CACNA2D1: variants seen among roughly 807,000 people sequenced by gnomAD.
CACNA2D1 encodes the protein voltage-dependent calcium channel subunit alpha-2/delta-1.
A neutral mutation model predicts 171.5 loss-of-function variants in CACNA2D1; 53 were observed. The observed-to-expected ratio is 0.31, with a 90% confidence interval of 0.25 to 0.39. CACNA2D1 has a LOEUF of 0.39. CACNA2D1 is among the 10% of genes least tolerant of loss of function. The pLI, the probability that CACNA2D1 is intolerant of heterozygous loss-of-function variation, is 1.00. For synonymous variants in CACNA2D1, 442 were observed against 443.1 expected (o/e 1.00, Z 0.03); for missense variants, 903 against 1,299.8 (o/e 0.69, Z 4.69).
At chr7:82,299,125 T>C (rs557668004) in intron 3 of CACNA2D1, among the ~76,000 whole-genome samples, 21 of 151,444 alleles carry the variant, frequency 1.4e-4, no homozygotes, top group East Asian at 5.9e-4. Flanking sequence ...ACCTGGTTAA[T>C]TGGGAAAAAA....
chr7:82,323,878 T>C (rs1343278454), intron 3 of CACNA2D1, among the ~76,000 whole-genome samples: 1 of 152,222 alleles, frequency 6.6e-6, no homozygotes, highest in African/African-American at 2.4e-5. Flanking sequence ...ACCCTTTCCT[T>C]GTCTGAACCT....
chr7:82,312,683 AT>A (rs60040027), intron 3 of CACNA2D1, among the ~76,000 whole-genome samples: 281 of 144,554 alleles, frequency 1.9e-3, no homozygotes, highest in East Asian at 5.7e-3. Context: ...TGCCCAGCTA[AT>A]TTTTTTTTTT....
intron 18 of CACNA2D1, chr7:82,001,699 AT>A: frequency 8.0e-7 from 1 of 1,255,132 alleles, no homozygotes; most frequent in Non-Finnish European, 1.1e-6. Flanking sequence ...AATTGTTGGT[AT>A]ACCTACACCA....
rs183677411 is a variant in CACNA2D1, at chr7:82,091,591, T to C, written c.527-6691A>G. ...GTAATGCAAGGGGAATAGAAGACACTAGTATCTAATATCATGTCTACTAAT... is the reference window on the plus strand; with the variant it reads ...GTAATGCAAGGGGAATAGAAGACACCAGTATCTAATATCATGTCTACTAAT... On this transcript the variant is annotated intron_variant, in intron 6 of 38. Coordinates refer to ENST00000356860, the MANE Select transcript of CACNA2D1 (RefSeq NM_000722.4). 1.5e-3 allele frequency among the ~76,000 whole-genome samples: 229 copies of C among 152,324 alleles called. 3 individuals carry two copies. Among genetic ancestry groups the C allele is most frequent in the East Asian group, 0.015 (76 of 5,180 alleles).
chr7:82,270,615 TA>T (rs1240917447), intron 3 of CACNA2D1, among the ~76,000 whole-genome samples: 2 of 152,152 alleles, frequency 1.3e-5, no homozygotes, highest in African/African-American at 4.8e-5. Context: ...GTAGGGTAGG[TA>T]CTGCCAAAGA....
chr7:82,108,389 A>G (rs183072745), intron 6 of CACNA2D1, among the ~76,000 whole-genome samples: 27 of 152,290 alleles, frequency 1.8e-4, no homozygotes, highest in African/African-American at 5.3e-4. Context: ...TCTTCATCGT[A>G]GAAGGCCACC....
intron 3 of CACNA2D1, among the ~76,000 whole-genome samples, chr7:82,251,066 T>A (rs1363274014): frequency 6.6e-6 from 1 of 152,170 alleles, no homozygotes; most frequent in Non-Finnish European, 1.5e-5. Context: ...GTATCTGTAT[T>A]CAAAAATCTT....
intron 6 of CACNA2D1, among the ~76,000 whole-genome samples, chr7:82,099,475 A>G (rs1157623212): frequency 2.0e-4 from 4 of 19,924 alleles, no homozygotes; most frequent in African/African-American, 6.3e-4. Context: ...TTTGAGACGG[A>G]GTCTCGCTCT....
In CACNA2D1 at chr7:82,405,299, G is replaced by A. The variant is rs73386025; in HGVS notation, c.95+38066C>T. 3.4e-3 allele frequency among the ~76,000 whole-genome samples: 512 copies of A among 152,212 alleles called. 2 individuals are homozygous for A. Among genetic ancestry groups the A allele is most frequent in the African/African-American group, 0.012 (492 of 41,542 alleles). On this transcript the variant is annotated intron_variant, in intron 1 of 38. Transcript: ENST00000356860. ...CTTTTTAAATGTATGTATCAAATCT[G>A]TTAATAGCCTTAGAATGGTCTTTTA...
intron 3 of CACNA2D1, among the ~76,000 whole-genome samples, chr7:82,261,234 C>T (rs889319555): frequency 1.3e-5 from 2 of 152,240 alleles, no homozygotes; most frequent in Non-Finnish European, 2.9e-5. Flanking sequence ...GGATTATAGG[C>T]ATGGGCCGCC....
chr7:82,297,072 C>CA (rs57473351), intron 3 of CACNA2D1, among the ~76,000 whole-genome samples: 2,831 of 71,680 alleles, frequency 0.039, 97 homozygotes, highest in East Asian at 0.088. Flanking sequence ...CTGTGTCTAC[C>CA]AAAAAAAAAA....
At chr7:82,118,786 G>T (rs1304117955) in intron 5 of CACNA2D1, among the ~76,000 whole-genome samples, 1 of 151,814 alleles carries the variant, frequency 6.6e-6, no homozygotes, top group East Asian at 1.9e-4. Context: ...TTCTCAACTT[G>T]TAAAATCATG....
intron 24 of CACNA2D1, among the ~76,000 whole-genome samples, chr7:81,975,804 A>ATGTACACAGTAG (rs111649872): frequency 1.3e-5 from 2 of 151,626 alleles, no homozygotes; most frequent in Admixed American, 6.6e-5. Flanking sequence ...GGAATGAATC[A>ATGTACACAGTAG]TGTATACAAC....
intron 3 of CACNA2D1, among the ~76,000 whole-genome samples, chr7:82,236,252 T>C (rs796704729): frequency 2.6e-5 from 4 of 152,208 alleles, no homozygotes; most frequent in African/African-American, 9.6e-5. Context: ...AAATGTTATT[T>C]TCTGCACAAA....
intron 3 of CACNA2D1, among the ~76,000 whole-genome samples, chr7:82,186,023 G>A (rs1797698977): frequency 6.6e-6 from 1 of 151,834 alleles, no homozygotes; most frequent in Admixed American, 6.6e-5. Flanking sequence ...TGGGCGTGGT[G>A]GTATACACCT....
chr7:82,098,696 A>T (rs1467931598), intron 6 of CACNA2D1, among the ~76,000 whole-genome samples: 1 of 152,154 alleles, frequency 6.6e-6, no homozygotes, highest in Non-Finnish European at 1.5e-5. Flanking sequence ...TATTATAAAG[A>T]TACTTCAAAT....
chr7:82,287,317 A>C (rs914073698), intron 3 of CACNA2D1, among the ~76,000 whole-genome samples: 3 of 150,838 alleles, frequency 2.0e-5, no homozygotes, highest in Non-Finnish European at 4.4e-5. Flanking sequence ...CAAATTTCTT[A>C]GTAACTTAAA....
intron 21 of CACNA2D1, among the ~76,000 whole-genome samples, chr7:81,986,140 T>A (rs1459782882): frequency 1.3e-5 from 2 of 152,208 alleles, no homozygotes; most frequent in Non-Finnish European, 2.9e-5. Context: ...AGCCACATGA[T>A]CTTTGCTATG....
At chr7:82,277,772 G>A in intron 3 of CACNA2D1, among the ~76,000 whole-genome samples, 1 of 135,916 alleles carries the variant, frequency 7.4e-6, no homozygotes, top group African/African-American at 2.6e-5. Flanking sequence ...TTGAGATGGA[G>A]TCTCGCCCTG....
Sources: allele counts gnomAD v4.1 joint callset (sites outside exome capture counted in the v4.1 genomes callset), GRCh38; gene constraint gnomAD v4.1.1; transcripts MANE v1.5; gene names NCBI Gene and HGNC (gene_info 2026-07-23, HGNC 2026-07-21).